The following LRRC72 variants were observed in gnomAD, a reference collection of about 807,000 sequenced individuals.
LRRC72 encodes the protein leucine-rich repeat-containing protein 72.
In LRRC72, 41 loss-of-function variants were observed where a neutral mutation model predicts 35.8. The observed-to-expected ratio is 1.15, with a 90% CI of 0.89 to 1.49. The LOEUF (loss-of-function observed/expected upper bound fraction) is 1.49. Among genes scored for constraint, LRRC72 ranks in the 40% most tolerant of loss-of-function variants. The pLI is 0.00. For missense variants in LRRC72, 389 were observed against 330.7 expected, an observed-to-expected ratio of 1.18 and a Z score of -1.37; for synonymous variants, 118 against 119.2, an observed-to-expected ratio of 0.99 and a Z score of 0.07.
intron 1 of LRRC72, among the ~76,000 whole-genome samples, chr7:16,532,245 T>A (rs1382403053): frequency 6.6e-6 from 1 of 152,206 alleles, no homozygotes; most frequent in Non-Finnish European, 1.5e-5. Context: ...TACGTACACA[T>A]ACATATTTTT....
At chr7:16,578,098 T>A (rs1241728410) in intron 7 of LRRC72, among the ~76,000 whole-genome samples, 1 of 152,228 alleles carries the variant, frequency 6.6e-6, no homozygotes, top group Non-Finnish European at 1.5e-5. Flanking sequence ...ACATTTTTTA[T>A]AATAGCAAAA....
intron 3 of LRRC72, among the ~76,000 whole-genome samples, chr7:16,540,059 T>C (rs921363736): frequency 1.6e-4 from 24 of 152,174 alleles, no homozygotes; most frequent in Middle Eastern, 3.4e-3. Flanking sequence ...AATGGTAGCT[T>C]CACCGACAAC....
At chr7:16,554,760 T>G (rs967993951) in intron 3 of LRRC72, among the ~76,000 whole-genome samples, 2 of 152,188 alleles carry the variant, frequency 1.3e-5, no homozygotes, top group African/African-American at 4.8e-5. Flanking sequence ...ATGATCATGG[T>G]CCAAGGATGT....
intron 1 of LRRC72, among the ~76,000 whole-genome samples, chr7:16,531,120 T>C (rs568479048): frequency 6.1e-4 from 92 of 150,532 alleles, no homozygotes; most frequent in African/African-American, 2.1e-3. Context: ...GAGGCAGAGG[T>C]TGCAGTGAGC....
At position 16,558,984 on chromosome 7, in the gene LRRC72, A is replaced by C; in HGVS notation, c.412A>C (p.Asn138His). Reference protein sequence around the residue: ...ATVKELKGMLNLKILSLYQNP... With the variant: ...ATVKELKGMLHLKILSLYQNP... ...AGTGAAGGAATTAAAGGGAATGCTA[A>C]ATCTGAAGATCCTAAGTAACAATTT... is the stretch of plus-strand genomic sequence containing the variant. Residue 138 changes from asparagine to histidine, a missense_variant, in exon 5 of 9, where the codon AAT becomes CAT. Physicochemically the swap from Asn to His is moderately conservative, Grantham distance 68. Transcript: ENST00000401542. The C allele has an allele frequency of 1.3e-6, 2 of 1,535,054 alleles. No individual in the cohort carries two copies. The highest frequency in any genetic ancestry group is 2.7e-5 in the African/African-American group (2 of 72,748).
chr7:16,555,026 G>A (rs941590268), intron 3 of LRRC72, among the ~76,000 whole-genome samples: 4 of 152,214 alleles, frequency 2.6e-5, no homozygotes, highest in African/African-American at 7.2e-5. Flanking sequence ...AGAAGGCAGC[G>A]AATTGCTGCC....
chr7:16,567,462 A>C lies in LRRC72; in HGVS notation c.589A>C (p.Ile197Leu). Reference protein sequence around the residue: ...NHKKAHIVQSIAFGGKVDASW... With the variant: ...NHKKAHIVQSLAFGGKVDASW... ...TAAAAAGGCTCATATCGTTCAATCAATAGCATTCGGAGGAAAAGTGGATGC... is the reference window on the plus strand; with the variant it reads ...TAAAAAGGCTCATATCGTTCAATCACTAGCATTCGGAGGAAAAGTGGATGC... Residue 197 changes from isoleucine to leucine, a missense_variant, in exon 7 of 9, where the codon ATA becomes CTA. Transcript: ENST00000401542. 1 of 1,537,458 alleles carries C rather than the reference A, an allele frequency of 6.5e-7. No individual in the cohort carries two copies. Among genetic ancestry groups the C allele is most frequent in the South Asian group, 1.2e-5 (1 of 81,340 alleles).
intron 7 of LRRC72, among the ~76,000 whole-genome samples, chr7:16,570,836 C>A (rs117666504): frequency 6.6e-6 from 1 of 152,176 alleles, no homozygotes; most frequent in East Asian, 1.9e-4. Flanking sequence ...ACAAAAAACC[C>A]ATATTCACAT....
At position 16,581,379 on chromosome 7, in the gene LRRC72, G is replaced by A; in HGVS notation, c.754G>A (p.Val252Met). The A allele has an allele frequency of 6.5e-7, 1 of 1,549,518 alleles. No individual in the cohort carries two copies. The highest frequency in any genetic ancestry group is 8.7e-7 in the Non-Finnish European group (1 of 1,146,366). The part of the protein sequence containing the change: ...AVFVRSMKRS[V>M]MTLTSMNWDT... Reference sequence around the variant, plus strand: ...TTTTGTGAGGTCCATGAAGAGATCAGTGATGACTTTGACCTCTATGAACTG... The same window carrying A: ...TTTTGTGAGGTCCATGAAGAGATCAATGATGACTTTGACCTCTATGAACTG... Residue 252 changes from valine (V) to methionine (M), a missense_variant, in exon 9 of 9, where the codon GTG becomes ATG. Val to Met is a conservative substitution (Grantham distance 21, BLOSUM62 1). Transcript: ENST00000401542.
intron 7 of LRRC72, among the ~76,000 whole-genome samples, chr7:16,579,290 G>T (rs541774948): frequency 6.6e-6 from 1 of 152,264 alleles, no homozygotes; most frequent in South Asian, 2.1e-4. Context: ...TGTAGAAAAA[G>T]AAAGAGCCTA....
chr7:16,538,175 C>A (rs1782295601), intron 3 of LRRC72, among the ~76,000 whole-genome samples: 1 of 152,174 alleles, frequency 6.6e-6, no homozygotes, highest in Admixed American at 6.5e-5. Flanking sequence ...TGGCTGACTG[C>A]AGAGGGCCAC....
chr7:16,570,344 C>T (rs1782922311), intron 7 of LRRC72, among the ~76,000 whole-genome samples: 1 of 152,168 alleles, frequency 6.6e-6, no homozygotes, highest in Admixed American at 6.5e-5. Context: ...CAAGCATGAG[C>T]TCTCCTTACT....
intron 3 of LRRC72, among the ~76,000 whole-genome samples, chr7:16,541,641 C>T (rs1169716038): frequency 1.3e-5 from 2 of 152,178 alleles, no homozygotes; most frequent in Non-Finnish European, 2.9e-5. Flanking sequence ...TGGCTGGGCA[C>T]GGTGGCTCAT....
At chr7:16,552,872 C>G (rs114785200) in intron 3 of LRRC72, among the ~76,000 whole-genome samples, 7 of 152,268 alleles carry the variant, frequency 4.6e-5, no homozygotes, top group African/African-American at 1.4e-4. Context: ...AGCAGGTACT[C>G]AAGCCTGGGT....
chr7:16,581,374 G>A lies in LRRC72; in HGVS notation c.749G>A (p.Arg250Lys), dbSNP rs1261052515. Residue 250 changes from arginine (R) to lysine (K), a missense_variant, in exon 9 of 9, where the codon AGA becomes AAA. Coordinates refer to ENST00000401542, the MANE Select transcript of LRRC72 (RefSeq NM_001195280.2). ...GCTGTTTTTGTGAGGTCCATGAAGA[G>A]ATCAGTGATGACTTTGACCTCTATG... ...EDAVFVRSMK[R>K]SVMTLTSMNW... The A allele has an allele frequency of 6.5e-7, 1 of 1,548,906 alleles. No individual in the cohort carries two copies. The highest frequency in any genetic ancestry group is 1.4e-5 in the African/African-American group (1 of 72,904).
At chr7:16,561,996 T>C (rs1782751564) in intron 5 of LRRC72, among the ~76,000 whole-genome samples, 1 of 152,150 alleles carries the variant, frequency 6.6e-6, no homozygotes, top group Non-Finnish European at 1.5e-5. Flanking sequence ...CTTCAGAGGG[T>C]GAGAAAATAG....
chr7:16,559,811 A>G (rs564753238), intron 5 of LRRC72, among the ~76,000 whole-genome samples: 122 of 152,276 alleles, frequency 8.0e-4, no homozygotes, highest in African/African-American at 2.8e-3. Context: ...TGAATAAACC[A>G]CAAACACACA....
At chr7:16,551,828 T>C (rs1393692137) in intron 3 of LRRC72, among the ~76,000 whole-genome samples, 1 of 151,762 alleles carries the variant, frequency 6.6e-6, no homozygotes, top group Non-Finnish European at 1.5e-5. Flanking sequence ...TCCAGCAAAT[T>C]TCAAGTCCAA....
chr7:16,581,361 A>G lies in LRRC72; in HGVS notation c.736A>G (p.Arg246Gly). The G allele has an allele frequency of 6.5e-7, 1 of 1,530,790 alleles. No homozygotes were observed. The allele number at this position is 1,530,790 out of a possible 1,614,324, so 94.8% of individuals were successfully genotyped here. A position where few individuals can be genotyped will look rare whatever the true frequency, so the allele number is the denominator to read the frequency against. ...TGACCCAGAAGATGCTGTTTTTGTG[A>G]GGTCCATGAAGAGATCAGTGATGAC... The part of the protein sequence containing the change: ...LDDPEDAVFV[R>G]SMKRSVMTLT... The change falls in exon 9 of 9, where the codon AGG (arginine) becomes GGG (glycine). Residue 246 changes from arginine (R) to glycine (G), a missense_variant. By Grantham distance (125) the Arg-to-Gly change is moderately radical (BLOSUM62 -2). Coordinates refer to ENST00000401542, the MANE Select transcript of LRRC72 (RefSeq NM_001195280.2).
Sources: gnomAD v4.1 joint callset for allele counts (sites outside exome capture counted in the v4.1 genomes callset) on GRCh38, gnomAD v4.1.1 for gene constraint, MANE v1.5 for transcripts, NCBI Gene and HGNC (gene_info 2026-07-23, HGNC 2026-07-21) for gene names.